Variants in TMEM150C observed in about 807,000 individuals in gnomAD.
The protein encoded by TMEM150C is transmembrane protein 150C, also known as tentonin 3.
Under a neutral mutation model 29.9 loss-of-function variants are expected in TMEM150C, and 10 were observed. The ratio of observed to expected loss-of-function variants is 0.33; its 90% CI spans 0.21 to 0.57. The LOEUF is 0.57. TMEM150C is among the 20% of genes least tolerant of loss of function. The pLI is 0.88. For missense variants in TMEM150C, 251 were observed against 303.6 expected (o/e 0.83, Z 1.29); for synonymous variants, 101 against 112.5 (o/e 0.90, Z 0.64).
At chr4:82,522,804 G>T (rs925704935) in intron 1 of TMEM150C, among the ~76,000 whole-genome samples, 6 of 152,088 alleles carry the variant, frequency 3.9e-5, no homozygotes, top group Non-Finnish European at 8.8e-5. Flanking sequence ...TTACTAAGAG[G>T]AAATATAAGG....
intron 1 of TMEM150C, among the ~76,000 whole-genome samples, chr4:82,513,419 T>C (rs1724194032): frequency 6.6e-6 from 1 of 152,094 alleles, no homozygotes; most frequent in Non-Finnish European, 1.5e-5. Flanking sequence ...TTAATGGGTA[T>C]GGAGTTTCAG....
chr4:82,524,440 T>C (rs1724590639), intron 1 of TMEM150C, among the ~76,000 whole-genome samples: 1 of 152,222 alleles, frequency 6.6e-6, no homozygotes, highest in African/African-American at 2.4e-5. Flanking sequence ...CGTTTCATTA[T>C]TTAGCTGTGA....
intron 1 of TMEM150C, among the ~76,000 whole-genome samples, chr4:82,530,704 T>G (rs1724814174): frequency 6.6e-6 from 1 of 152,210 alleles, no homozygotes; most frequent in African/African-American, 2.4e-5. Context: ...GAATCCATTC[T>G]CACACTGCTA....
rs1723059943 is a variant in TMEM150C, at chr4:82,483,505, C to T, written c.*2006G>A. The T allele has an allele frequency of 6.6e-6, 1 of 152,182 alleles. No individual in the cohort carries two copies. 9.4% of individuals were successfully genotyped at this position (152,182 alleles called of 1,614,324 possible). A position where few individuals can be genotyped will look rare whatever the true frequency, so the allele number is the denominator to read the frequency against. The stretch of plus-strand genomic sequence containing the variant: ...TGTTCTTTTCCTCACATTTTACTTA[C>T]AGGGATTCTCACTCCCCCATCTGAT... On this transcript the variant is annotated 3_prime_UTR_variant, in exon 8 of 8. Transcript: ENST00000449862.
intron 1 of TMEM150C, among the ~76,000 whole-genome samples, chr4:82,556,095 T>C (rs1725726871): frequency 1.3e-5 from 2 of 152,064 alleles, no homozygotes; most frequent in African/African-American, 4.8e-5. Context: ...AGTGTTGTTT[T>C]TTTTTTTCTT....
At chr4:82,528,566 CCTCT>C (rs1044483568) in intron 1 of TMEM150C, among the ~76,000 whole-genome samples, 1 of 151,724 alleles carries the variant, frequency 6.6e-6, no homozygotes, top group African/African-American at 2.4e-5. Flanking sequence ...CTCTCATTCT[CCTCT>C]CTCTCTTACT....
chr4:82,495,952 A>T (rs1723543293), intron 6 of TMEM150C, 116 bp downstream of exon 6: 1 of 1,340,780 alleles, frequency 7.5e-7, no homozygotes, highest in Non-Finnish European at 1.0e-6. Context: ...TTTTAAAAAA[A>T]GGTTTGTGCA....
chr4:82,555,319 C>T (rs2110094573), intron 1 of TMEM150C, among the ~76,000 whole-genome samples: 1 of 152,240 alleles, frequency 6.6e-6, no homozygotes, highest in East Asian at 1.9e-4. Context: ...CAGACATATC[C>T]ACTGAGACCA....
rs570811991 is a variant in TMEM150C at position 82,556,411 on chromosome 4, T to A, written c.-11+5495A>T. On this transcript the variant is annotated intron_variant, in intron 1 of 7. Coordinates refer to ENST00000449862, the MANE Select transcript of TMEM150C (RefSeq NM_001080506.3). ...GCACAGTGACCACTTCTATTAGACATTTTATTTCATCAAGAAAAATGCTGA... is the reference window on the plus strand; with the variant it reads ...GCACAGTGACCACTTCTATTAGACAATTTATTTCATCAAGAAAAATGCTGA... 4.6e-5 allele frequency among the ~76,000 whole-genome samples: 7 copies of A among 152,370 alleles called. No homozygotes were observed. The South Asian group carries it at 1.4e-3, about 32-fold the overall frequency.
intron 6 of TMEM150C, chr4:82,491,227 G>T: frequency 2.9e-6 from 2 of 684,912 alleles, no homozygotes; most frequent in South Asian, 1.5e-5. Flanking sequence ...AGGGCAGGTG[G>T]TCTCTTAGTG....
At chr4:82,522,963 G>A (rs1398624332) in intron 1 of TMEM150C, among the ~76,000 whole-genome samples, 3 of 152,062 alleles carry the variant, frequency 2.0e-5, no homozygotes, top group South Asian at 2.1e-4. Flanking sequence ...TTGCTAAAAC[G>A]GGATTTTACA....
At chr4:82,498,877 A>G (rs1284923853) in intron 5 of TMEM150C, among the ~76,000 whole-genome samples, 2 of 152,226 alleles carry the variant, frequency 1.3e-5, no homozygotes, top group African/African-American at 4.8e-5. Flanking sequence ...ATGGTAAGTC[A>G]TCTTATCATG....
chr4:82,561,348 T>G (rs1019093487), intron 1 of TMEM150C, among the ~76,000 whole-genome samples: 2 of 151,922 alleles, frequency 1.3e-5, no homozygotes, highest in African/African-American at 4.8e-5. Flanking sequence ...GCATTTAGAG[T>G]GGAGGGCGGT....
intron 1 of TMEM150C, among the ~76,000 whole-genome samples, chr4:82,507,431 C>A (rs1723961999): frequency 6.6e-6 from 1 of 152,078 alleles, no homozygotes; most frequent in Non-Finnish European, 1.5e-5. Flanking sequence ...GCTTTATATA[C>A]TAATTTCCTG....
intron 1 of TMEM150C, among the ~76,000 whole-genome samples, chr4:82,554,981 G>A (rs1258551795): frequency 1.3e-5 from 2 of 152,156 alleles, no homozygotes; most frequent in Non-Finnish European, 2.9e-5. Flanking sequence ...CTTTTTAAAG[G>A]AAAGTAAGCA....
chr4:82,494,991 G>C, intron 6 of TMEM150C: 1 of 766,626 alleles, frequency 1.3e-6, no homozygotes, highest in Non-Finnish European at 2.1e-6. Context: ...GTTTTTCTTA[G>C]TACACTGCTT....
chr4:82,556,162 G>C (rs949022332), intron 1 of TMEM150C, among the ~76,000 whole-genome samples: 4 of 151,632 alleles, frequency 2.6e-5, no homozygotes, highest in Non-Finnish European at 5.9e-5. Flanking sequence ...ATTTTTAGTA[G>C]AGACGGGGTT....
At chr4:82,555,605 A>G (rs1725711957) in intron 1 of TMEM150C, among the ~76,000 whole-genome samples, 1 of 152,218 alleles carries the variant, frequency 6.6e-6, no homozygotes, top group Admixed American at 6.5e-5. Context: ...CCGCACTTGT[A>G]CAATGCTCTA....
At chr4:82,528,349 GC>G (rs1724722650) in intron 1 of TMEM150C, among the ~76,000 whole-genome samples, 1 of 152,170 alleles carries the variant, frequency 6.6e-6, no homozygotes, top group Admixed American at 6.5e-5. Context: ...GGCTCAGTAG[GC>G]CCCAGGTGAA....
Sources: gnomAD v4.1 joint callset for allele counts (sites outside exome capture counted in the v4.1 genomes callset) on GRCh38, gnomAD v4.1.1 for gene constraint, MANE v1.5 for transcripts, NCBI Gene and HGNC (gene_info 2026-07-23, HGNC 2026-07-21) for gene names.